The following SGCD variants were observed in gnomAD, a reference collection of about 807,000 sequenced individuals.
The protein encoded by SGCD is sarcoglycan delta.
SGCD carries 18 observed loss-of-function variants against 36.6 expected under a neutral mutation model. The observed-to-expected ratio is 0.49, with a 90% CI of 0.34 to 0.73. The LOEUF is 0.73. Among genes scored for constraint, SGCD ranks in the 30% least tolerant of loss-of-function variants. The pLI, the probability that SGCD is intolerant of heterozygous loss-of-function variation, is 0.01. For missense variants in SGCD, 387 were observed against 346.7 expected (o/e 1.12, Z -0.92); for synonymous variants, 133 against 130.6 (o/e 1.02, Z -0.12).
At chr5:156,250,893 G>A (rs113114682) in intron 3 of SGCD, among the ~76,000 whole-genome samples, 3 of 152,172 alleles carry the variant, frequency 2.0e-5, no homozygotes, top group African/African-American at 7.2e-5. Context: ...AGATAACCAA[G>A]TATCTTGTTG....
intron 3 of SGCD, among the ~76,000 whole-genome samples, chr5:156,170,719 A>G (rs1042505168): frequency 1.3e-5 from 2 of 152,178 alleles, no homozygotes; most frequent in African/African-American, 4.8e-5. Flanking sequence ...AACATCTATC[A>G]TATTAGGAAA....
intron 4 of SGCD, among the ~76,000 whole-genome samples, chr5:156,545,247 CT>C (rs562055781): frequency 2.0e-5 from 3 of 152,136 alleles, no homozygotes; most frequent in South Asian, 4.2e-4. Context: ...CAAAAAGTAC[CT>C]TTTTTTCAAT....
At chr5:156,610,022 T>C (rs966900617) in intron 6 of SGCD, among the ~76,000 whole-genome samples, 4 of 152,232 alleles carry the variant, frequency 2.6e-5, no homozygotes, top group Non-Finnish European at 5.9e-5. Flanking sequence ...AGTTTGATCA[T>C]CTGAAGCCTT....
intron 3 of SGCD, among the ~76,000 whole-genome samples, chr5:156,282,213 C>A (rs982131364): frequency 6.6e-6 from 1 of 152,104 alleles, no homozygotes; most frequent in Non-Finnish European, 1.5e-5. Flanking sequence ...AGTGGAAATG[C>A]GAATTCTCCT....
chr5:156,713,465 C>T (rs1208118651), intron 7 of SGCD, among the ~76,000 whole-genome samples: 1 of 151,874 alleles, frequency 6.6e-6, no homozygotes, highest in Non-Finnish European at 1.5e-5. Flanking sequence ...TGAAGGGGTC[C>T]TGTTAGGCAG....
At chr5:156,718,965 C>T (rs1181633878) in intron 7 of SGCD, among the ~76,000 whole-genome samples, 3 of 152,114 alleles carry the variant, frequency 2.0e-5, no homozygotes, top group African/African-American at 7.2e-5. Flanking sequence ...CTCTTTTCTT[C>T]TCCTCCTCTA....
At chr5:155,773,127 G>A in the SGCD span, among the ~76,000 whole-genome samples, 2 of 152,096 alleles carry the variant, frequency 1.3e-5, no homozygotes, top group African/African-American at 2.4e-5. Flanking sequence ...AGGCACCGGA[G>A]CTAGTGTGTG....
chr5:155,895,125 A>G (rs1189699477), intron 1 of SGCD, among the ~76,000 whole-genome samples: 1 of 152,204 alleles, frequency 6.6e-6, no homozygotes, highest in African/African-American at 2.4e-5. Context: ...AGGGGCTACA[A>G]GACCTTTGAT....
At chr5:156,529,060 T>G (rs1757765912) in intron 4 of SGCD, among the ~76,000 whole-genome samples, 1 of 151,972 alleles carries the variant, frequency 6.6e-6, no homozygotes, top group African/African-American at 2.4e-5. Flanking sequence ...CTACCTAGGT[T>G]AGGAGGCATT....
intron 1 of SGCD, among the ~76,000 whole-genome samples, chr5:156,024,957 CAA>C (rs34607261): frequency 6.7e-4 from 83 of 124,442 alleles, no homozygotes; most frequent in Non-Finnish European, 7.2e-4. Context: ...GACTCCATCT[CAA>C]AAAAAAAAAA....
chr5:156,347,059 A>G (rs1768991092), intron 3 of SGCD, among the ~76,000 whole-genome samples: 1 of 152,098 alleles, frequency 6.6e-6, no homozygotes, highest in Non-Finnish European at 1.5e-5. Context: ...GGCCTCCCAA[A>G]GTGCTGGGAT....
chr5:155,749,860 A>G, the SGCD span, among the ~76,000 whole-genome samples: 1 of 152,222 alleles, frequency 6.6e-6, no homozygotes, highest in East Asian at 1.9e-4. Context: ...CAAAACCTGC[A>G]CATTCCACAA....
intron 3 of SGCD, among the ~76,000 whole-genome samples, chr5:156,205,423 T>C (rs887295696): frequency 2.0e-5 from 3 of 152,202 alleles, no homozygotes; most frequent in Admixed American, 2.0e-4. Flanking sequence ...TGCTGAAGAA[T>C]AGTAGAAGAG....
At chr5:156,031,210 A>C (rs1759342741) in intron 1 of SGCD, among the ~76,000 whole-genome samples, 1 of 152,220 alleles carries the variant, frequency 6.6e-6, no homozygotes, top group Non-Finnish European at 1.5e-5. Flanking sequence ...TTTCTGATTC[A>C]GTTAGGATCC....
intron 3 of SGCD, among the ~76,000 whole-genome samples, chr5:156,296,240 G>C (rs773454702): frequency 2.0e-5 from 3 of 152,168 alleles, no homozygotes; most frequent in Non-Finnish European, 2.9e-5. Flanking sequence ...TGTCCCATGG[G>C]GAGGTGGATG....
chr5:156,549,898 G>A (rs1581154831), intron 4 of SGCD, among the ~76,000 whole-genome samples: 2 of 152,290 alleles, frequency 1.3e-5, no homozygotes, highest in East Asian at 3.9e-4. Flanking sequence ...ATAGAAAAGT[G>A]GAAACTGAAT....
intron 1 of SGCD, among the ~76,000 whole-genome samples, chr5:155,923,702 C>G (rs1381075582): frequency 4.6e-5 from 7 of 152,192 alleles, no homozygotes; most frequent in Non-Finnish European, 8.8e-5. Context: ...ACGGATTTTG[C>G]TAATGCCAGC....
chr5:156,537,459 C>CCACACA (rs769070218), intron 4 of SGCD, among the ~76,000 whole-genome samples: 8,084 of 125,762 alleles, frequency 0.064, 324 homozygotes, highest in African/African-American at 0.1. Context: ...AAGGTAGCAG[C>CCACACA]CACACACACA....
At chr5:156,703,871 G>A (rs157336) in intron 7 of SGCD, among the ~76,000 whole-genome samples, 126,137 of 152,110 alleles carry the variant, frequency 0.83, 52,525 homozygotes, top group Admixed American at 0.89. Flanking sequence ...TGCTTTTGTG[G>A]CTCAGTGTGT....
Sources: allele counts gnomAD v4.1 joint callset (sites outside exome capture counted in the v4.1 genomes callset), GRCh38; gene constraint gnomAD v4.1.1; transcripts MANE v1.5; gene names NCBI Gene and HGNC (gene_info 2026-07-23, HGNC 2026-07-21).